ADAM9: variants seen among roughly 807,000 people sequenced by gnomAD.
ADAM9 encodes disintegrin and metalloproteinase domain-containing protein 9.
A neutral mutation model predicts 108.1 loss-of-function variants in ADAM9; 54 were observed. The observed-to-expected ratio is 0.50, with a 90% CI of 0.40 to 0.63. The LOEUF is 0.63. Ranked by LOEUF, ADAM9 falls within the 20% of genes least tolerant of loss-of-function variation. The probability of loss-of-function intolerance (pLI) is 0.00; values close to 1 mark genes in which losing one functional copy is unlikely to be tolerated. For missense variants in ADAM9, 830 were observed against 997.7 expected, an observed-to-expected ratio of 0.83 and a Z score of 2.26; for synonymous variants, 316 against 336.0, an observed-to-expected ratio of 0.94 and a Z score of 0.65.
chr8:39,029,922 C>G (rs565899511), intron 11 of ADAM9, among the ~76,000 whole-genome samples: 26 of 152,224 alleles, frequency 1.7e-4, no homozygotes, highest in African/African-American at 6.0e-4. Context: ...CCTTCCTCTT[C>G]AATATTTTGA....
At chr8:39,073,294 ATTTATCTT>A (rs1239087782) in intron 15 of ADAM9, among the ~76,000 whole-genome samples, 1 of 152,082 alleles carries the variant, frequency 6.6e-6, no homozygotes, top group Non-Finnish European at 1.5e-5. Context: ...GGATTTGTCT[ATTTATCTT>A]TTTAGGTATG....
rs1248113756 is a variant in ADAM9 at position 39,045,104 on chromosome 8, GCA to G, written c.1302+2988_1302+2989del. 1.7e-3 allele frequency among the ~76,000 whole-genome samples: 28 copies of G among 16,032 alleles called. 5 individuals are homozygous for G. Among genetic ancestry groups the G allele is most frequent in the African/African-American group, 6.2e-3 (16 of 2,574 alleles). The allele number at this position is 16,032 out of a possible 152,430, so 10.5% of individuals were successfully genotyped here. On this transcript the variant is annotated intron_variant, in intron 12 of 21. Transcript: ENST00000487273. ...TGTGCATACATACATATGTGTGTGT[GCA>G]TACATACATATGTGTGTGTGCATAC...
chr8:39,032,015 T>C (rs528179481), intron 11 of ADAM9, among the ~76,000 whole-genome samples: 1 of 152,196 alleles, frequency 6.6e-6, no homozygotes, highest in East Asian at 1.9e-4. Context: ...GAACAGCAAA[T>C]ATTGCTGCCT....
At chr8:39,021,574 G>C in intron 7 of ADAM9, 69 bp from the exon 8 acceptor site, 1 of 1,394,440 alleles carries the variant, frequency 7.2e-7, no homozygotes. Flanking sequence ...ATGAGGTACT[G>C]CACCCGGCCT....
chr8:39,094,931 CCTTT>C (rs1433392645), intron 20 of ADAM9, among the ~76,000 whole-genome samples: 1 of 151,896 alleles, frequency 6.6e-6, no homozygotes, highest in Non-Finnish European at 1.5e-5. Context: ...TTCACTATTC[CCTTT>C]CTTCTACTAA....
chr8:39,030,748 T>A (rs1195769754), intron 11 of ADAM9, among the ~76,000 whole-genome samples: 2 of 152,218 alleles, frequency 1.3e-5, no homozygotes, highest in Non-Finnish European at 2.9e-5. Flanking sequence ...CTCTACATCT[T>A]TGTCAGAATT....
chr8:39,091,581 A>G (rs1171846664), intron 20 of ADAM9, among the ~76,000 whole-genome samples: 1 of 152,028 alleles, frequency 6.6e-6, no homozygotes, highest in Non-Finnish European at 1.5e-5. Flanking sequence ...TCTGCCTCCC[A>G]GTTTCAAATG....
chr8:39,086,760 C>T (rs752956106), intron 18 of ADAM9, among the ~76,000 whole-genome samples: 3 of 152,092 alleles, frequency 2.0e-5, no homozygotes, highest in Non-Finnish European at 4.4e-5. Flanking sequence ...GTTTGAGTTA[C>T]GTCGACATAG....
chr8:39,095,798 G>C (rs1465879224), intron 20 of ADAM9, among the ~76,000 whole-genome samples: 1 of 152,054 alleles, frequency 6.6e-6, no homozygotes, highest in Non-Finnish European at 1.5e-5. Context: ...ATATTTAGGT[G>C]CTCTAAATTG....
At chr8:39,060,670 G>C (rs1838271071) in intron 14 of ADAM9, among the ~76,000 whole-genome samples, 1 of 152,182 alleles carries the variant, frequency 6.6e-6, no homozygotes. Context: ...CAAATATCTT[G>C]CCAGTGACAA....
chr8:39,022,478 A>G (rs2129433906), intron 8 of ADAM9, among the ~76,000 whole-genome samples: 1 of 152,278 alleles, frequency 6.6e-6, no homozygotes, highest in Admixed American at 6.5e-5. Context: ...AGCACCTCAT[A>G]ATCAGACTCA....
intron 13 of ADAM9, 27 bp downstream of exon 13, chr8:39,054,600 A>C: frequency 2.8e-5 from 33 of 1,184,022 alleles, no homozygotes; most frequent in Non-Finnish European, 3.9e-5. Context: ...TTTTGGAAAC[A>C]GGAAAAAAAA....
At position 39,085,220 on chromosome 8, in the gene ADAM9, C is replaced by T. The variant is rs564004548; in HGVS notation, c.2068+2147C>T. ...TTAAATTTACTGTCTTGATATTTTC[C>T]ATCAGTCTCCTTGTAGTGATATTGT... On this transcript the variant is annotated intron_variant, in intron 18 of 21. Transcript: ENST00000487273. 1.3e-4 allele frequency among the ~76,000 whole-genome samples: 20 copies of T among 152,082 alleles called. No homozygotes were observed. In the South Asian group the frequency reaches 4.2e-3, roughly 32 times the overall value.
chr8:39,014,667 C>CT (rs1836468659), intron 4 of ADAM9: 1 of 654,790 alleles, frequency 1.5e-6, no homozygotes, highest in Non-Finnish European at 2.7e-6. Flanking sequence ...GGTATTATAC[C>CT]TTTTTTTCTT....
chr8:39,005,172 G>C (rs1300249222), intron 1 of ADAM9, among the ~76,000 whole-genome samples: 2 of 152,026 alleles, frequency 1.3e-5, no homozygotes, highest in Admixed American at 1.3e-4. Flanking sequence ...ACTTCTTCAG[G>C]CTGAATAGGG....
chr8:39,015,957 T>C (rs971537624), intron 4 of ADAM9, 161 bp from the exon 5 acceptor site: 1 of 680,404 alleles, frequency 1.5e-6, no homozygotes, highest in Non-Finnish European at 2.5e-6. Context: ...GCAGATGGTC[T>C]AAAGAATGCC....
rs915656315 is a variant in ADAM9, at chr8:39,100,211, T to G, written c.2299-1652T>G. The stretch of plus-strand genomic sequence containing the variant: ...TACCTTGTTGTAAGATTCAGTCGGC[T>G]GGGCGCGGTGGCTCATACTTGTAAT... On this transcript the variant is annotated intron_variant, in intron 20 of 21. Coordinates refer to ENST00000487273, the MANE Select transcript of ADAM9 (RefSeq NM_003816.3). Among the ~76,000 whole-genome samples the G allele has an allele frequency of 4.0e-5, 6 of 151,836 alleles. No homozygotes were observed. The South Asian group carries it at 1.3e-3, about 32-fold the overall frequency.
intron 15 of ADAM9, among the ~76,000 whole-genome samples, chr8:39,073,503 A>C (rs1214948117): frequency 1.3e-5 from 2 of 152,164 alleles, no homozygotes; most frequent in African/African-American, 4.8e-5. Flanking sequence ...GCTGTTCCTC[A>C]CTAAACTGTA....
chr8:39,050,641 C>T (rs941796234), intron 12 of ADAM9, among the ~76,000 whole-genome samples: 1 of 151,942 alleles, frequency 6.6e-6, no homozygotes, highest in African/African-American at 2.4e-5. Context: ...TTTTTTGGGC[C>T]TCTCAAACTT....
Sources: allele counts gnomAD v4.1 joint callset (sites outside exome capture counted in the v4.1 genomes callset), GRCh38; gene constraint gnomAD v4.1.1; transcripts MANE v1.5; gene names NCBI Gene and HGNC (gene_info 2026-07-23, HGNC 2026-07-21).